Variants in LPIN3 observed in about 807,000 individuals in gnomAD.
LPIN3 encodes lipin 3, also known as phosphatidate phosphatase LPIN3.
In LPIN3, 82 loss-of-function variants were observed where a neutral mutation model predicts 94.7. The ratio of observed to expected loss-of-function variants is 0.87; its 90% CI spans 0.72 to 1.04. The LOEUF (loss-of-function observed/expected upper bound fraction) is 1.04, where lower values mean the gene tolerates loss of function less well. LPIN3 is among the 50% of genes least tolerant of loss of function. The probability of loss-of-function intolerance (pLI) is 0.00; values close to 1 mark genes in which losing one functional copy is unlikely to be tolerated. For synonymous variants in LPIN3, 418 were observed against 443.3 expected (o/e 0.94, Z 0.72); for missense variants, 996 against 1,090.5 (o/e 0.91, Z 1.22).
chr20:41,358,780 A>G lies in LPIN3; in HGVS notation c.2470A>G (p.Ser824Gly). The G allele has an allele frequency of 6.2e-7, 1 of 1,614,124 alleles. No homozygotes were observed. Among genetic ancestry groups the G allele is most frequent in the Non-Finnish European group, 8.5e-7 (1 of 1,180,024 alleles). The change falls in exon 20 of 20, where the codon AGC becomes GGC. Residue 824 changes from serine (S) to glycine (G), a missense_variant. By Grantham distance (56) the Ser-to-Gly change is moderately conservative (BLOSUM62 0). Transcript: ENST00000373257. ...LLFPPVARGP[S>G]TDLANPEYSN... ...CTTCCCACCTGTGGCCCGTGGCCCC[A>G]GCACAGACCTGGCCAACCCTGAATA...
chr20:41,345,842 G>T lies in LPIN3; in HGVS notation c.39G>T (p.Gly13=), dbSNP rs16985673. 0.011 allele frequency: 18,074 copies of T among 1,614,080 alleles called. 1,827 individuals carry two copies. In the African/African-American group the frequency reaches 0.21, roughly 19 times the overall value. The part of the protein sequence containing the change: ...YVGQLAETVF[G]TVKELYRGLN... ...GGCAGCTGGCGGAGACGGTGTTTGG[G>T]ACGGTGAAGGAGCTGTACCGGGGCC... is the stretch of plus-strand genomic sequence containing the variant. Residue 13 remains glycine (G), a synonymous_variant, in exon 2 of 20, where the codon GGG becomes GGT. Coordinates refer to ENST00000373257, the MANE Select transcript of LPIN3 (RefSeq NM_022896.3).
chr20:41,351,923 G>T lies in LPIN3; in HGVS notation c.1202+3G>T, dbSNP rs1271822877. 6.2e-7 allele frequency: 1 copy of T among 1,614,096 alleles called. No homozygotes were observed. Among genetic ancestry groups the T allele is most frequent in the African/African-American group, 1.3e-5 (1 of 74,932 alleles). On this transcript the variant is annotated splice_donor_region_variant and intron_variant, in intron 8 of 19. Transcript: ENST00000373257. ...GCAGCGCTTTACTTCCCCCAAAGGT[G>T]CCTGGGTTCTGGATGCCAGGGTGTC... is the stretch of plus-strand genomic sequence containing the variant.
rs748896618 is a variant in LPIN3, at chr20:41,345,954, C to T, written c.151C>T (p.Arg51Cys). 14 of 1,613,900 alleles carry T rather than the reference C, an allele frequency of 8.7e-6. No homozygotes were observed. The highest frequency in any genetic ancestry group is 1.6e-4 in the Middle Eastern group (1 of 6,082). ...GTTCCGGTGCTCACCCTTCCACGTG[C>T]GTTTTGGCAAGCTGGGCGTCCTGCG... ...GSFRCSPFHV[R>C]FGKLGVLRSR... The change falls in exon 2 of 20, where the codon CGT becomes TGT. Residue 51 changes from arginine (R) to cysteine (C), a missense_variant. By Grantham distance (180) the Arg-to-Cys change is radical (BLOSUM62 -3). Coordinates refer to ENST00000373257, the MANE Select transcript of LPIN3 (RefSeq NM_022896.3).
intron 14 of LPIN3, among the ~76,000 whole-genome samples, chr20:41,356,665 G>C (rs1167686437): frequency 6.6e-6 from 1 of 152,154 alleles, no homozygotes; most frequent in African/African-American, 2.4e-5. Flanking sequence ...GCTTCCTATG[G>C]AGATCCCCAC....
chr20:41,358,555 C>T lies in LPIN3; in HGVS notation c.2411+13C>T. ...ACCACAAATCCACGTGAGGCTAAAC[C>T]CTGCCATGTTCCCCATGCCCTACCA... On this transcript the variant is annotated intron_variant, in intron 19 of 19. Coordinates refer to ENST00000373257, the MANE Select transcript of LPIN3 (RefSeq NM_022896.3). The T allele has an allele frequency of 1.9e-6, 3 of 1,613,558 alleles. No homozygotes were observed. Among genetic ancestry groups the T allele is most frequent in the Non-Finnish European group, 2.5e-6 (3 of 1,179,604 alleles).
chr20:41,346,760 T>A (rs1044707359), intron 2 of LPIN3, among the ~76,000 whole-genome samples: 27 of 151,950 alleles, frequency 1.8e-4, no homozygotes, highest in East Asian at 3.9e-4. Context: ...AATAAATAAA[T>A]AAAAATAAAT....
intron 16 of LPIN3, 75 bp downstream of exon 16, chr20:41,357,522 T>C (rs957078909): frequency 2.2e-5 from 29 of 1,337,204 alleles, no homozygotes; most frequent in Non-Finnish European, 2.9e-5. Flanking sequence ...ACAGGACATC[T>C]TGGGGACCAG....
rs778302093 is a variant in LPIN3, at chr20:41,349,092, T to C, written c.558T>C (p.Gly186=). The C allele has an allele frequency of 9.9e-6, 16 of 1,614,186 alleles. No individual in the cohort carries two copies. The South Asian group carries it at 1.8e-4, about 18-fold the overall frequency. Residue 186 remains glycine, a splice_region_variant and synonymous_variant, in exon 5 of 20, where the codon GGT becomes GGC. Coordinates refer to ENST00000373257, the MANE Select transcript of LPIN3 (RefSeq NM_022896.3). ...LPEKLRPEPP[G]VQLEEKSSLQ... ...CCATTTCCTTGTGGCCCCTTAGCAG[T>C]GTCCAGTTGGAAGAGAAGTCTTCAC...
At chr20:41,356,142 C>T in intron 14 of LPIN3, 108 bp downstream of exon 14, 1 of 1,477,480 alleles carries the variant, frequency 6.8e-7, no homozygotes, top group Non-Finnish European at 9.2e-7. Flanking sequence ...ACATGTTCAC[C>T]AAAGGCCAGA....
chr20:41,354,024 C>G (rs1030404322), intron 11 of LPIN3, among the ~76,000 whole-genome samples: 1 of 152,190 alleles, frequency 6.6e-6, no homozygotes, highest in Non-Finnish European at 1.5e-5. Context: ...AGCCCAAGCC[C>G]ACATCCTCCT....
At chr20:41,342,827 C>T (rs761087917) in intron 1 of LPIN3, among the ~76,000 whole-genome samples, 15 of 152,176 alleles carry the variant, frequency 9.9e-5, no homozygotes, top group Non-Finnish European at 1.9e-4. Flanking sequence ...GACATTAGAT[C>T]TGAGGGAGAT....
chr20:41,351,833 G>A lies in LPIN3; in HGVS notation c.1115G>A (p.Arg372Lys). ...RVSRGKGSPK[R>K]SQHLGPSDIY... is the part of the protein sequence containing the mutation. ...CTTCAACTCTCAGGCTCCCCAAAGA[G>A]AAGCCAGCACCTGGGCCCCAGTGAC... is the stretch of plus-strand genomic sequence containing the variant. The change falls in exon 8 of 20, where the codon AGA becomes AAA. Residue 372 changes from arginine to lysine, a missense_variant. Arg to Lys is a conservative substitution (Grantham distance 26). Transcript: ENST00000373257. 1 of 1,614,158 alleles carries A rather than the reference G, an allele frequency of 6.2e-7. No individual in the cohort carries two copies. Among genetic ancestry groups the A allele is most frequent in the Non-Finnish European group, 8.5e-7 (1 of 1,180,022 alleles).
Position 41,350,347 on chromosome 20 carries a change from TGGAG to T in LPIN3, c.1054_1057del (p.Glu352PhefsTer67). On this transcript the variant is annotated frameshift_variant, in exon 7 of 20. Coordinates refer to ENST00000373257, the MANE Select transcript of LPIN3 (RefSeq NM_022896.3). LOFTEE classifies it high-confidence loss of function. ...TCCAAGTCATGGAGCTGGGCCACTC[TGGAG>T]GTTCCAGTTCCCACCGGGCAGCCAG... The T allele has an allele frequency of 3.1e-6, 5 of 1,601,004 alleles. No individual in the cohort carries two copies. The highest frequency in any genetic ancestry group is 4.3e-6 in the Non-Finnish European group (5 of 1,170,690).
At chr20:41,351,618 C>T (rs564436067) in intron 7 of LPIN3, among the ~76,000 whole-genome samples, 27 of 152,238 alleles carry the variant, frequency 1.8e-4, no homozygotes, top group Middle Eastern at 6.8e-3. Context: ...CTCTGTCACA[C>T]GGTGATCACA....
chr20:41,357,153 G>A lies in LPIN3; in HGVS notation c.1917G>A (p.Lys639=), dbSNP rs765714191. The part of the protein sequence containing the change: ...ATIYLWKWDD[K]VVISDIDGTI... ...TCTACCTGTGGAAATGGGACGACAA[G>A]GTGGTCATCTCTGACATCGACGGCA... is the stretch of plus-strand genomic sequence containing the variant. Residue 639 remains lysine, a synonymous_variant, in exon 15 of 20, where the codon AAG becomes AAA. Transcript: ENST00000373257. 1.9e-6 allele frequency: 3 copies of A among 1,614,190 alleles called. No homozygotes were observed. Among genetic ancestry groups the A allele is most frequent in the South Asian group, 1.1e-5 (1 of 91,088 alleles).
Position 41,357,175 on chromosome 20 carries a change from G to A in LPIN3, c.1939G>A (p.Gly647Ser), listed in dbSNP as rs111519678. Residue 647 changes from glycine to serine, a missense_variant, in exon 15 of 20, where the codon GGC becomes AGC. By Grantham distance (56) the Gly-to-Ser change is moderately conservative. Transcript: ENST00000373257. ...CAAGGTGGTCATCTCTGACATCGAC[G>A]GCACCATCACCAAGTGAGGCCCACC... ...DDKVVISDIDGTITKSDALGH... is the reference protein window; with the variant it reads ...DDKVVISDIDSTITKSDALGH... 45 of 1,613,888 alleles carry A rather than the reference G, an allele frequency of 2.8e-5. 1 individual carries two copies. Among genetic ancestry groups the A allele is most frequent in the South Asian group, 1.8e-4 (16 of 91,078 alleles).
At chr20:41,349,262 C>A in intron 5 of LPIN3, 90 bp downstream of exon 5, 3 of 1,111,378 alleles carry the variant, frequency 2.7e-6, no homozygotes, top group Non-Finnish European at 4.0e-6. Context: ...TGACACAGGA[C>A]CCATTTAATG....
At chr20:41,353,805 T>TTGACAGCTGTCACTGCCATTGGG (rs1156522702) in intron 11 of LPIN3, among the ~76,000 whole-genome samples, 1 of 152,226 alleles carries the variant, frequency 6.6e-6, no homozygotes, top group Non-Finnish European at 1.5e-5. Context: ...CTAACAGATG[T>TTGACAGCTGTCACTGCCATTGGG]TGACAGCTGT....
At position 41,347,676 on chromosome 20, in the gene LPIN3, C is replaced by T. The variant is rs73267550; in HGVS notation, c.288+29C>T. 7.1e-4 allele frequency: 1,116 copies of T among 1,570,994 alleles called. 7 individuals carry two copies. The African/African-American group carries it at 0.013, about 18-fold the overall frequency. On this transcript the variant is annotated intron_variant, in intron 3 of 19. Coordinates refer to ENST00000373257, the MANE Select transcript of LPIN3 (RefSeq NM_022896.3). Reference sequence around the variant, plus strand: ...AGTCTGCCCTCCTAACAGCACCTGCCCCGCCCACCCCTTTCCTGTGCCTCT... The same window carrying T: ...AGTCTGCCCTCCTAACAGCACCTGCTCCGCCCACCCCTTTCCTGTGCCTCT...
Sources: allele counts gnomAD v4.1 joint callset (sites outside exome capture counted in the v4.1 genomes callset), GRCh38; gene constraint gnomAD v4.1.1; transcripts MANE v1.5; gene names NCBI Gene and HGNC (gene_info 2026-07-23, HGNC 2026-07-21).